Variants in SOX5 observed in about 807,000 individuals in gnomAD.
The protein encoded by SOX5 is transcription factor SOX-5.
SOX5 carries 9 observed loss-of-function variants against 92.0 expected under a neutral mutation model. The ratio of observed to expected loss-of-function variants is 0.10; its 90% CI spans 0.06 to 0.17. The LOEUF (loss-of-function observed/expected upper bound fraction) is 0.17, where lower values mean the gene tolerates loss of function less well. SOX5 is among the 10% of genes least tolerant of loss of function. The pLI is 1.00. For synonymous variants in SOX5, 344 were observed against 336.3 expected, an observed-to-expected ratio of 1.02 and a Z score of -0.25; for missense variants, 642 against 944.5, an observed-to-expected ratio of 0.68 and a Z score of 4.20.
chr12:24,089,549 G>A (rs1944400083), intron 4 of SOX5, among the ~76,000 whole-genome samples: 1 of 152,062 alleles, frequency 6.6e-6, no homozygotes, highest in South Asian at 2.1e-4. Context: ...AAAATTAAAT[G>A]TTTGTTAAAT....
intron 3 of SOX5, among the ~76,000 whole-genome samples, chr12:24,218,096 C>T (rs902481330): frequency 6.6e-6 from 1 of 152,208 alleles, no homozygotes. Flanking sequence ...ATAGAGTTAC[C>T]AAAATGACCC....
At chr12:24,523,512 G>C (rs923913751) in intron 1 of SOX5, among the ~76,000 whole-genome samples, 2 of 152,208 alleles carry the variant, frequency 1.3e-5, no homozygotes, top group African/African-American at 4.8e-5. Context: ...ATGGCAATGA[G>C]AACAGTATGC....
At chr12:23,931,638 T>C (rs1198951850) in intron 1 of SOX5, among the ~76,000 whole-genome samples, 2 of 151,738 alleles carry the variant, frequency 1.3e-5, no homozygotes, top group Non-Finnish European at 3.0e-5. Flanking sequence ...CTTCTAATTT[T>C]TTTCAAAATT....
At chr12:24,294,554 C>T (rs975921976) in intron 2 of SOX5, among the ~76,000 whole-genome samples, 1 of 152,188 alleles carries the variant, frequency 6.6e-6, no homozygotes, top group Non-Finnish European at 1.5e-5. Flanking sequence ...CCGCCCCTTC[C>T]ACACTTTCTA....
intron 1 of SOX5, among the ~76,000 whole-genome samples, chr12:24,532,568 A>G (rs568437771): frequency 6.6e-6 from 1 of 152,372 alleles, no homozygotes; most frequent in South Asian, 2.1e-4. Context: ...GATTTACAAC[A>G]TTACCAAGTG....
chr12:24,199,715 CA>C (rs1369685218), intron 4 of SOX5, among the ~76,000 whole-genome samples: 1 of 152,090 alleles, frequency 6.6e-6, no homozygotes, highest in Non-Finnish European at 1.5e-5. Flanking sequence ...CTGCTAAAGC[CA>C]AATGATGGCA....
At chr12:23,818,654 T>C (rs1337467265) in intron 3 of SOX5, among the ~76,000 whole-genome samples, 1 of 152,222 alleles carries the variant, frequency 6.6e-6, no homozygotes, top group East Asian at 1.9e-4. Context: ...AGCTTTTAAA[T>C]TAATTTTATA....
chr12:24,383,294 T>C (rs775375561), intron 1 of SOX5, among the ~76,000 whole-genome samples: 3 of 152,212 alleles, frequency 2.0e-5, no homozygotes, highest in Non-Finnish European at 4.4e-5. Flanking sequence ...CACAACTACC[T>C]TTATGTAACG....
intron 11 of SOX5, among the ~76,000 whole-genome samples, chr12:23,555,841 C>A (rs1945059974): frequency 6.6e-6 from 1 of 151,778 alleles, no homozygotes; most frequent in East Asian, 1.9e-4. Flanking sequence ...TAAATACCCC[C>A]AAAAAGAAAA....
chr12:24,069,882 C>T (rs891798727), intron 4 of SOX5, among the ~76,000 whole-genome samples: 1 of 152,160 alleles, frequency 6.6e-6, no homozygotes, highest in African/African-American at 2.4e-5. Context: ...ATCCCCACCC[C>T]AATCTACAGC....
At chr12:24,421,298 T>C (rs898448194) in intron 1 of SOX5, among the ~76,000 whole-genome samples, 1 of 152,110 alleles carries the variant, frequency 6.6e-6, no homozygotes, top group Non-Finnish European at 1.5e-5. Context: ...TTGTTTTGTG[T>C]GGTCTTTGAT....
intron 4 of SOX5, among the ~76,000 whole-genome samples, chr12:24,016,072 G>C (rs1953564003): frequency 6.6e-6 from 1 of 152,292 alleles, no homozygotes; most frequent in African/African-American, 2.4e-5. Context: ...TTCACAATGA[G>C]GATCATCAGC....
chr12:23,616,061 G>A (rs1456583287), intron 8 of SOX5, among the ~76,000 whole-genome samples: 5 of 152,152 alleles, frequency 3.3e-5, no homozygotes, highest in Admixed American at 6.5e-5. Flanking sequence ...AATCCTAACA[G>A]AGGAGAGGTA....
chr12:23,815,964 G>A (rs1279900890), intron 3 of SOX5, among the ~76,000 whole-genome samples: 2 of 152,098 alleles, frequency 1.3e-5, no homozygotes, highest in African/African-American at 2.4e-5. Flanking sequence ...AAATGAAAAA[G>A]CATGGCTGTG....
At chr12:24,490,694 G>A (rs553966917) in intron 1 of SOX5, among the ~76,000 whole-genome samples, 267 of 152,186 alleles carry the variant, frequency 1.8e-3, no homozygotes, top group African/African-American at 6.2e-3. Flanking sequence ...TAATGGTGTT[G>A]TGTGGGTGGG....
At chr12:24,128,561 G>T (rs555801682) in intron 4 of SOX5, among the ~76,000 whole-genome samples, 1 of 152,294 alleles carries the variant, frequency 6.6e-6, no homozygotes, top group South Asian at 2.1e-4. Context: ...AAAGCCAGAC[G>T]TGGTGAGGCA....
intron 3 of SOX5, among the ~76,000 whole-genome samples, chr12:23,784,127 A>C (rs773703796): frequency 6.6e-6 from 1 of 152,122 alleles, no homozygotes; most frequent in Non-Finnish European, 1.5e-5. Context: ...AGGAAAAAAA[A>C]AGTAACCATG....
At chr12:24,518,805 T>C (rs994586943) in intron 1 of SOX5, among the ~76,000 whole-genome samples, 1 of 152,230 alleles carries the variant, frequency 6.6e-6, no homozygotes, top group South Asian at 2.1e-4. Flanking sequence ...TGTTCAACCA[T>C]ATGCTTCACT....
chr12:24,547,600 T>G (rs1952770880), intron 1 of SOX5, among the ~76,000 whole-genome samples: 1 of 152,244 alleles, frequency 6.6e-6, no homozygotes, highest in East Asian at 1.9e-4. Context: ...AGGACAAAAA[T>G]GCTATTTTAT....
Sources: allele counts gnomAD v4.1 joint callset (sites outside exome capture counted in the v4.1 genomes callset), GRCh38; gene constraint gnomAD v4.1.1; transcripts MANE v1.5; gene names NCBI Gene and HGNC (gene_info 2026-07-23, HGNC 2026-07-21).